SLC6A5: variants seen among roughly 807,000 people sequenced by gnomAD.
SLC6A5 encodes sodium- and chloride-dependent glycine transporter 2.
In SLC6A5, 58 loss-of-function variants were observed where a neutral mutation model predicts 90.5. The ratio of observed to expected loss-of-function variants is 0.64; its 90% CI spans 0.52 to 0.80. The LOEUF is 0.80. Among genes scored for constraint, SLC6A5 ranks in the 30% least tolerant of loss-of-function variants. The pLI, the probability that SLC6A5 is intolerant of heterozygous loss-of-function variation, is 0.00. For synonymous variants in SLC6A5, 427 were observed against 401.4 expected, an observed-to-expected ratio of 1.06 and a Z score of -0.76; for missense variants, 1,015 against 1,017.6, an observed-to-expected ratio of 1.00 and a Z score of 0.03.
chr11:20,646,126 C>G (rs1337375226), intron 13 of SLC6A5, among the ~76,000 whole-genome samples: 6 of 152,152 alleles, frequency 3.9e-5, no homozygotes, highest in Non-Finnish European at 5.9e-5. Flanking sequence ...ATGCCTTTTT[C>G]TTTCAAGGAG....
At chr11:20,620,245 G>A (rs1243366402) in intron 7 of SLC6A5, among the ~76,000 whole-genome samples, 1 of 152,188 alleles carries the variant, frequency 6.6e-6, no homozygotes, top group Non-Finnish European at 1.5e-5. Flanking sequence ...GGTGAGAACA[G>A]CACCTTTTAA....
At chr11:20,654,024 T>C (rs1332354066) in intron 15 of SLC6A5, among the ~76,000 whole-genome samples, 1 of 152,232 alleles carries the variant, frequency 6.6e-6, no homozygotes, top group Non-Finnish European at 1.5e-5. Context: ...ATGTTTTCTT[T>C]CCTTTTTCTA....
intron 12 of SLC6A5, among the ~76,000 whole-genome samples, 186 bp from the exon 13 acceptor site, chr11:20,638,273 T>C (rs1853247732): frequency 6.6e-6 from 1 of 152,216 alleles, no homozygotes; most frequent in Admixed American, 6.5e-5. Context: ...CTTTGCTGAC[T>C]CAGCAAGGCC....
At chr11:20,609,517 A>G (rs1329418274) in intron 5 of SLC6A5, among the ~76,000 whole-genome samples, 1 of 152,204 alleles carries the variant, frequency 6.6e-6, no homozygotes, top group Admixed American at 6.5e-5. Flanking sequence ...AGGAGTCTAG[A>G]CAACGGATAT....
intron 5 of SLC6A5, among the ~76,000 whole-genome samples, chr11:20,608,922 G>GTC (rs138477311): frequency 0.015 from 1,955 of 131,628 alleles, 24 homozygotes; most frequent in Non-Finnish European, 0.025. Context: ...CTGTCTGTCT[G>GTC]TCTCTCTCTC....
chr11:20,616,016 A>G (rs1317320353), intron 6 of SLC6A5, among the ~76,000 whole-genome samples: 1 of 152,238 alleles, frequency 6.6e-6, no homozygotes, highest in Admixed American at 6.5e-5. Flanking sequence ...AAATGGCAGC[A>G]AAATAATTCA....
At chr11:20,634,195 A>T (rs1261238213) in intron 10 of SLC6A5, among the ~76,000 whole-genome samples, 1 of 152,178 alleles carries the variant, frequency 6.6e-6, no homozygotes, top group African/African-American at 2.4e-5. Flanking sequence ...CATGAGGAAG[A>T]GAGCCTGTAC....
At chr11:20,621,929 C>T (rs917252015) in intron 7 of SLC6A5, among the ~76,000 whole-genome samples, 9 of 152,184 alleles carry the variant, frequency 5.9e-5, no homozygotes, top group African/African-American at 2.2e-4. Flanking sequence ...GCCCACCTGC[C>T]CTCAGGGGCG....
At chr11:20,628,403 C>T (rs1034546575) in intron 9 of SLC6A5, among the ~76,000 whole-genome samples, 2 of 152,188 alleles carry the variant, frequency 1.3e-5, no homozygotes, top group Non-Finnish European at 2.9e-5. Flanking sequence ...TCTGTGGATA[C>T]AATGGACTGT....
intron 2 of SLC6A5, among the ~76,000 whole-genome samples, chr11:20,601,872 C>A (rs941157874): frequency 2.0e-5 from 3 of 152,218 alleles, no homozygotes; most frequent in Non-Finnish European, 2.9e-5. Flanking sequence ...AGTGACCCTG[C>A]CAGAGGGGCC....
chr11:20,632,801 A>G (rs1472551371), intron 10 of SLC6A5, among the ~76,000 whole-genome samples: 2 of 152,216 alleles, frequency 1.3e-5, no homozygotes, highest in African/African-American at 2.4e-5. Context: ...ACACTGGCAT[A>G]TAGACATTCA....
At chr11:20,650,716 G>C (rs1246612159) in intron 14 of SLC6A5, among the ~76,000 whole-genome samples, 4 of 146,624 alleles carry the variant, frequency 2.7e-5, no homozygotes, top group Non-Finnish European at 5.9e-5. Context: ...GCCCAGGCTG[G>C]AGTGCAGTGG....
Position 20,601,450 on chromosome 11 carries a change from C to A in SLC6A5, c.325C>A (p.Pro109Thr). The change falls in exon 2 of 16, where the codon CCC becomes ACC. Residue 109 changes from proline to threonine, a missense_variant. Around this residue, in one of 3 missense-constraint regions of SLC6A5, gnomAD observed 567 missense variants for 507.3 expected, o/e 1.12. Coordinates refer to ENST00000525748, the MANE Select transcript of SLC6A5 (RefSeq NM_004211.5). ...EAQGAQASPPPGSSGPGNALH... is the reference protein window; with the variant it reads ...EAQGAQASPPTGSSGPGNALH... ...GCAAGGCGCGCAGGCCTCGCCCCCT[C>A]CCGGGAGCTCCGGGCCCGGCAACGC... The A allele has an allele frequency of 6.2e-7, 1 of 1,608,868 alleles. No individual in the cohort carries two copies. Among genetic ancestry groups the A allele is most frequent in the Non-Finnish European group, 8.5e-7 (1 of 1,177,770 alleles).
intron 13 of SLC6A5, among the ~76,000 whole-genome samples, chr11:20,644,778 A>G (rs919514562): frequency 3.3e-5 from 5 of 152,220 alleles, no homozygotes; most frequent in Non-Finnish European, 5.9e-5. Flanking sequence ...AAATCAAGAT[A>G]TAGAACATCA....
rs771541225 is a variant in SLC6A5 at position 20,607,468 on chromosome 11, TG to T, written c.812-10del. The T allele has an allele frequency of 6.2e-7, 1 of 1,614,182 alleles. No homozygotes were observed. The highest frequency in any genetic ancestry group is 8.5e-7 in the Non-Finnish European group (1 of 1,180,000). On this transcript the variant is annotated splice_polypyrimidine_tract_variant and intron_variant, in intron 4 of 15. Transcript: ENST00000525748. ...AGATGGAATGAACCCCTGGAATTTTTGCTTCTGCAGGCTGTGGCATCGCGAT... is the reference window on the plus strand; with the variant it reads ...AGATGGAATGAACCCCTGGAATTTTTCTTCTGCAGGCTGTGGCATCGCGAT...
chr11:20,606,861 C>T (rs72927519), intron 3 of SLC6A5, 146 bp from the exon 4 acceptor site: 2 of 925,820 alleles, frequency 2.2e-6, no homozygotes, highest in Admixed American at 4.1e-5. Context: ...GTTGCTGAAA[C>T]AGGACATCAA....
In SLC6A5 at chr11:20,600,399, G is replaced by GAAGAAGAAGAA. The variant is rs1555037540; in HGVS notation, c.3+725_4-719dup. Among the ~76,000 whole-genome samples, 831 of 139,140 alleles carry GAAGAAGAAGAA rather than the reference G, an allele frequency of 6.0e-3. 23 individuals are homozygous for GAAGAAGAAGAA. Among genetic ancestry groups the GAAGAAGAAGAA allele is most frequent in the African/African-American group, 0.021 (793 of 37,726 alleles). The allele number at this position is 139,140 out of a possible 152,430, so 91.3% of individuals were successfully genotyped here. ...AGAAGAAGAAGAAGAAGAAGAAGAA[G>GAAGAAGAAGAA]AAGAAGAAGAAGACCTAAACAAAAG... On this transcript the variant is annotated intron_variant, in intron 1 of 15. Coordinates refer to ENST00000525748, the MANE Select transcript of SLC6A5 (RefSeq NM_004211.5).
rs1405464523 is a variant in SLC6A5, at chr11:20,658,881, G to T, written c.*4013G>T. 6.6e-6 allele frequency: 1 copy of T among 152,036 alleles called. No homozygotes were observed. Among genetic ancestry groups the T allele is most frequent in the African/African-American group, 2.4e-5 (1 of 41,378 alleles). 9.4% of individuals were successfully genotyped at this position (152,036 alleles called of 1,614,324 possible). ...TTTGTGGTTTTTGCACTTTATTATG[G>T]ACCTGTAAAGGAATAGGTTAATTCT... On this transcript the variant is annotated 3_prime_UTR_variant, in exon 16 of 16. Coordinates refer to ENST00000525748, the MANE Select transcript of SLC6A5 (RefSeq NM_004211.5).
Position 20,658,148 on chromosome 11 carries a change from TTTAA to T in SLC6A5, c.*3285_*3288del, listed in dbSNP as rs1178246211. ...ATGTTGCATTGGAGTTGAGTTTTCC[TTTAA>T]TTAAGTTCTTGTTTCCTCATCTATG... On this transcript the variant is annotated 3_prime_UTR_variant, in exon 16 of 16. Coordinates refer to ENST00000525748, the MANE Select transcript of SLC6A5 (RefSeq NM_004211.5). 1 of 152,212 alleles carries T rather than the reference TTTAA, an allele frequency of 6.6e-6. No homozygotes were observed. The highest frequency in any genetic ancestry group is 1.5e-5 in the Non-Finnish European group (1 of 68,036). 9.4% of individuals were successfully genotyped at this position (152,212 alleles called of 1,614,324 possible). A position where few individuals can be genotyped will look rare whatever the true frequency, so the allele number is the denominator to read the frequency against.
Sources: gnomAD v4.1 joint callset for allele counts (sites outside exome capture counted in the v4.1 genomes callset) on GRCh38, gnomAD v4.1.1 for gene constraint, gnomAD v4.1.1 regional missense constraint, MANE v1.5 for transcripts, NCBI Gene and HGNC (gene_info 2026-07-23, HGNC 2026-07-21) for gene names.